The following WDHD1 variants were observed in gnomAD, a reference collection of about 807,000 sequenced individuals.
WDHD1 encodes WD repeat and HMG-box DNA-binding protein 1.
In WDHD1, 111 loss-of-function variants were observed where a neutral mutation model predicts 135.4. The ratio of observed to expected loss-of-function variants is 0.82; its 90% CI spans 0.70 to 0.96. The LOEUF (loss-of-function observed/expected upper bound fraction) is 0.96, where lower values mean the gene tolerates loss of function less well. WDHD1 is among the 40% of genes least tolerant of loss of function. The probability of loss-of-function intolerance (pLI) is 0.00; values close to 1 mark genes in which losing one functional copy is unlikely to be tolerated. For synonymous variants in WDHD1, 434 were observed against 439.0 expected, an observed-to-expected ratio of 0.99 and a Z score of 0.14; for missense variants, 1,351 against 1,336.3, an observed-to-expected ratio of 1.01 and a Z score of -0.17.
chr14:54,961,984 A>T (rs1032542320), intron 21 of WDHD1, among the ~76,000 whole-genome samples: 1 of 151,938 alleles, frequency 6.6e-6, no homozygotes, highest in Non-Finnish European at 1.5e-5. Context: ...TTACAGGCAC[A>T]TACCACCACC....
intron 2 of WDHD1, among the ~76,000 whole-genome samples, chr14:55,021,038 GGGGA>G (rs1182662598): frequency 6.6e-6 from 1 of 152,156 alleles, no homozygotes; most frequent in Non-Finnish European, 1.5e-5. Context: ...GGTGGAAGAG[GGGGA>G]GGAAGTAGAG....
intron 2 of WDHD1, 31 bp from the exon 3 acceptor site, chr14:55,013,627 C>T (rs184248007): frequency 5.8e-6 from 9 of 1,554,574 alleles, no homozygotes; most frequent in Admixed American, 3.3e-5. Flanking sequence ...TTAAAGTCAT[C>T]GGGCATGGTG....
chr14:54,990,866 A>G (rs2140202079), intron 12 of WDHD1, among the ~76,000 whole-genome samples: 1 of 152,298 alleles, frequency 6.6e-6, no homozygotes, highest in South Asian at 2.1e-4. Flanking sequence ...GCACCTCCTT[A>G]CTAGTGTTTT....
chr14:54,988,471 G>C lies in WDHD1; in HGVS notation c.1526+557C>G, dbSNP rs2041729006. Among the ~76,000 whole-genome samples the C allele has an allele frequency of 2.6e-5, 4 of 152,018 alleles. No individual in the cohort carries two copies. In the South Asian group the frequency reaches 8.3e-4, roughly 32 times the overall value. ...GGTGATAAAGAACATTCTGTATTTT[G>C]ATTGTGGTAGGGGTTATCTGTGTAT... On this transcript the variant is annotated intron_variant, in intron 13 of 25. Coordinates refer to ENST00000360586, the MANE Select transcript of WDHD1 (RefSeq NM_007086.4).
intron 24 of WDHD1, among the ~76,000 whole-genome samples, chr14:54,950,758 C>G (rs1382737716): frequency 2.0e-5 from 3 of 152,124 alleles, no homozygotes; most frequent in Non-Finnish European, 2.9e-5. Context: ...TAAAGCACTC[C>G]TCAGCAAATG....
rs2041268302 is a variant in WDHD1 at position 54,962,520 on chromosome 14, G to C, written c.2679C>G (p.Ser893=). 1 of 1,609,940 alleles carries C rather than the reference G, an allele frequency of 6.2e-7. No homozygotes were observed. The highest frequency in any genetic ancestry group is 8.5e-7 in the Non-Finnish European group (1 of 1,177,988). Residue 893 remains serine (S), a synonymous_variant, in exon 21 of 26, where the codon TCC becomes TCG. Coordinates refer to ENST00000360586, the MANE Select transcript of WDHD1 (RefSeq NM_007086.4). The part of the protein sequence containing the change: ...GQNSFSKSTN[S]SDVSAKSGAV... ...CACCTGACTTAGCTGAAACATCAGA[G>C]GAATTTGTACTTTTGGAAAACGAGT... is the stretch of plus-strand genomic sequence containing the variant.
In WDHD1 at chr14:54,999,451, C is replaced by A. The variant is rs74897522; in HGVS notation, c.942+1052G>T. Among the ~76,000 whole-genome samples the A allele has an allele frequency of 1.4e-3, 220 of 152,340 alleles. 2 individuals carry two copies. Among genetic ancestry groups the A allele is most frequent in the Admixed American group, 0.011 (170 of 15,304 alleles). On this transcript the variant is annotated intron_variant, in intron 10 of 25. Transcript: ENST00000360586. The stretch of plus-strand genomic sequence containing the variant: ...CTGTTTTCAGCCCCACTTCTAGAAG[C>A]ACCTAGTGCTACCAAATTCTGAATC...
In WDHD1 at chr14:54,981,602, G is replaced by A. The variant is rs1360341266; in HGVS notation, c.2001C>T (p.His667=). 3.1e-6 allele frequency: 5 copies of A among 1,613,448 alleles called. No homozygotes were observed. Among genetic ancestry groups the A allele is most frequent in the Admixed American group, 1.7e-5 (1 of 59,920 alleles). ...AGTAGTGATCAGATTTTCCTTTGCAGTGCTCTCTTGTATTACATATAGGAG... is the reference window on the plus strand; with the variant it reads ...AGTAGTGATCAGATTTTCCTTTGCAATGCTCTCTTGTATTACATATAGGAG... ...TWTPICNTRE[H]CKGKSDHYWV... The change falls in exon 16 of 26, where the codon CAC becomes CAT. Residue 667 remains histidine, a synonymous_variant. Coordinates refer to ENST00000360586, the MANE Select transcript of WDHD1 (RefSeq NM_007086.4).
chr14:55,022,597 G>C (rs867888793), intron 2 of WDHD1, among the ~76,000 whole-genome samples: 1 of 151,896 alleles, frequency 6.6e-6, no homozygotes, highest in Non-Finnish European at 1.5e-5. Context: ...TAGAAAAATC[G>C]CTTGAACCCA....
intron 24 of WDHD1, among the ~76,000 whole-genome samples, chr14:54,945,466 G>C (rs763208229): frequency 2.0e-5 from 3 of 152,154 alleles, no homozygotes; most frequent in Non-Finnish European, 2.9e-5. Context: ...TCAGAGATGT[G>C]AAATAACCTA....
At chr14:55,018,478 C>A (rs970166568) in intron 2 of WDHD1, among the ~76,000 whole-genome samples, 2 of 152,066 alleles carry the variant, frequency 1.3e-5, no homozygotes, top group Non-Finnish European at 2.9e-5. Context: ...AATTTATGTT[C>A]TGTGCCAGAA....
chr14:54,971,539 T>G (rs1181708919), intron 16 of WDHD1, among the ~76,000 whole-genome samples: 2 of 151,754 alleles, frequency 1.3e-5, no homozygotes, highest in African/African-American at 2.4e-5. Flanking sequence ...GTGAAAGATC[T>G]CTACAAGAAC....
intron 18 of WDHD1, 111 bp downstream of exon 18, chr14:54,966,364 A>AAAC: frequency 1.5e-6 from 2 of 1,324,532 alleles, no homozygotes; most frequent in East Asian, 5.3e-5. Flanking sequence ...ACAAAAAAAA[A>AAAC]CTTAAGAATC....
At chr14:54,958,156 C>T (rs1381444005) in intron 21 of WDHD1, among the ~76,000 whole-genome samples, 7 of 149,822 alleles carry the variant, frequency 4.7e-5, no homozygotes, top group East Asian at 3.9e-4. Flanking sequence ...GACAGAGTCT[C>T]GCTCTTGTTG....
At chr14:54,962,907 T>C in intron 19 of WDHD1, 45 bp downstream of exon 19, 3 of 1,612,080 alleles carry the variant, frequency 1.9e-6, no homozygotes, top group African/African-American at 2.7e-5. Context: ...CAACTTAACA[T>C]TCAAGACAGT....
At chr14:54,947,619 T>A (rs2040950675) in intron 24 of WDHD1, among the ~76,000 whole-genome samples, 1 of 151,948 alleles carries the variant, frequency 6.6e-6, no homozygotes, top group Non-Finnish European at 1.5e-5. Flanking sequence ...TGAGATGGAG[T>A]CTCACTCTGT....
chr14:55,007,074 A>G (rs1463236061), intron 7 of WDHD1, among the ~76,000 whole-genome samples: 1 of 151,912 alleles, frequency 6.6e-6, no homozygotes, highest in African/African-American at 2.4e-5. Flanking sequence ...TAAAAATACA[A>G]AAAATTAGCT....
chr14:54,989,728 C>T (rs2041754190), intron 12 of WDHD1, among the ~76,000 whole-genome samples: 1 of 151,518 alleles, frequency 6.6e-6, no homozygotes. Flanking sequence ...GGCATGATCT[C>T]GGCTCACCGC....
At chr14:55,015,379 CAAAAAA>C (rs60609405) in intron 2 of WDHD1, among the ~76,000 whole-genome samples, 4 of 54,452 alleles carry the variant, frequency 7.3e-5, no homozygotes, top group Admixed American at 6.4e-4. Flanking sequence ...GACACTGTCT[CAAAAAA>C]AAAAAAAAAA....
Sources: allele counts gnomAD v4.1 joint callset (sites outside exome capture counted in the v4.1 genomes callset), GRCh38; gene constraint gnomAD v4.1.1; transcripts MANE v1.5; gene names NCBI Gene and HGNC (gene_info 2026-07-23, HGNC 2026-07-21).